The following NEGR1 variants were observed in gnomAD, a reference collection of about 807,000 sequenced individuals.
NEGR1 encodes the protein neuronal growth regulator 1.
Under a neutral mutation model 40.9 loss-of-function variants are expected in NEGR1, and 10 were observed. That is an observed-to-expected ratio of 0.24 (90% CI 0.15 to 0.42). The LOEUF is 0.42. Ranked by LOEUF, NEGR1 falls within the 10% of genes least tolerant of loss-of-function variation. The pLI is 1.00. For missense variants in NEGR1, 352 were observed against 438.9 expected (o/e 0.80, Z 1.77); for synonymous variants, 185 against 166.8 (o/e 1.11, Z -0.84).
At position 71,896,035 on chromosome 1, in the gene NEGR1, C is replaced by CTTT. The variant is rs71074810; in HGVS notation, c.409+39041_409+39043dup. On this transcript the variant is annotated intron_variant, in intron 2 of 6. Transcript: ENST00000357731. ...TTTAAGTCTCGATGATAACGTTTAA[C>CTTT]TTTTTTTTTTTTTTTTTTTTTTGAG... Among the ~76,000 whole-genome samples the CTTT allele has an allele frequency of 6.1e-4, 68 of 111,190 alleles. 1 individual carries two copies. The highest frequency in any genetic ancestry group is 1.5e-3 in the African/African-American group (44 of 28,816). 72.9% of individuals were successfully genotyped at this position (111,190 alleles called of 152,430 possible).
intron 1 of NEGR1, among the ~76,000 whole-genome samples, chr1:71,992,435 GA>G (rs1646462207): frequency 6.6e-6 from 1 of 151,114 alleles, no homozygotes; most frequent in Non-Finnish European, 1.5e-5. Context: ...AGTTGAAATA[GA>G]ATGTAAGCCA....
chr1:71,954,674 T>C (rs552966449), intron 1 of NEGR1, among the ~76,000 whole-genome samples: 38 of 152,226 alleles, frequency 2.5e-4, no homozygotes, highest in African/African-American at 8.4e-4. Flanking sequence ...GTTGGAATAA[T>C]TATCATTATT....
At chr1:71,978,555 C>T (rs1306248809) in intron 1 of NEGR1, among the ~76,000 whole-genome samples, 1 of 151,996 alleles carries the variant, frequency 6.6e-6, no homozygotes, top group African/African-American at 2.4e-5. Context: ...AGGACATAAA[C>T]AGACACTTTT....
intron 1 of NEGR1, among the ~76,000 whole-genome samples, chr1:72,246,270 T>C (rs1335106600): frequency 1.3e-5 from 2 of 152,218 alleles, no homozygotes; most frequent in Non-Finnish European, 2.9e-5. Flanking sequence ...TCGCCATTTA[T>C]ATTGTATTCC....
intron 2 of NEGR1, among the ~76,000 whole-genome samples, chr1:71,789,326 T>A (rs1657028963): frequency 6.6e-6 from 1 of 152,176 alleles, no homozygotes; most frequent in Non-Finnish European, 1.5e-5. Context: ...CTGAGTAATT[T>A]ACAAGATCAT....
chr1:72,135,407 A>C (rs1433173830), intron 1 of NEGR1, among the ~76,000 whole-genome samples: 5 of 113,154 alleles, frequency 4.4e-5, no homozygotes, highest in African/African-American at 9.7e-5. Flanking sequence ...CAAAAAACAA[A>C]AAAAAAAACA....
At chr1:71,878,830 C>A (rs1019210594) in intron 2 of NEGR1, among the ~76,000 whole-genome samples, 3 of 152,084 alleles carry the variant, frequency 2.0e-5, no homozygotes, top group African/African-American at 7.2e-5. Flanking sequence ...CGGTAAATTT[C>A]TTTAATAAGT....
chr1:72,074,204 G>A (rs1421896325), intron 1 of NEGR1, among the ~76,000 whole-genome samples: 6 of 151,862 alleles, frequency 4.0e-5, no homozygotes, highest in Non-Finnish European at 5.9e-5. Context: ...AACTGATAGA[G>A]GAAAAAACAG....
chr1:71,887,805 T>C (rs1660767124), intron 2 of NEGR1, among the ~76,000 whole-genome samples: 1 of 152,290 alleles, frequency 6.6e-6, no homozygotes, highest in African/African-American at 2.4e-5. Context: ...TTTCTCTTTG[T>C]TATTAAAGGA....
chr1:71,490,023 T>C (rs1473531503), intron 6 of NEGR1: 2 of 152,020 alleles, frequency 1.3e-5, no homozygotes, highest in Non-Finnish European at 1.5e-5. Flanking sequence ...TATAACCTAC[T>C]TAAAATTTAA....
intron 1 of NEGR1, among the ~76,000 whole-genome samples, chr1:72,111,125 C>A (rs1331468436): frequency 6.6e-6 from 1 of 151,094 alleles, no homozygotes; most frequent in Admixed American, 6.6e-5. Flanking sequence ...TATATATACA[C>A]ACACACACAC....
At chr1:71,409,054 CAA>C (rs1343796537) in intron 6 of NEGR1, 1 of 151,804 alleles carries the variant, frequency 6.6e-6, no homozygotes, top group Non-Finnish European at 1.5e-5. Context: ...TTTTAATAAA[CAA>C]AGAGCAAAAT....
chr1:71,964,711 A>G (rs2100303071), intron 1 of NEGR1, among the ~76,000 whole-genome samples: 1 of 152,234 alleles, frequency 6.6e-6, no homozygotes, highest in Non-Finnish European at 1.5e-5. Context: ...TGTTTGCAGT[A>G]TTTTGTTATG....
At chr1:71,636,392 A>G (rs1651152699) in intron 4 of NEGR1, among the ~76,000 whole-genome samples, 1 of 152,044 alleles carries the variant, frequency 6.6e-6, no homozygotes, top group African/African-American at 2.4e-5. Context: ...TTTATTTTTT[A>G]TCACAAAATG....
intron 6 of NEGR1, among the ~76,000 whole-genome samples, chr1:71,415,943 A>T (rs896174966): frequency 2.0e-5 from 3 of 152,008 alleles, no homozygotes; most frequent in Non-Finnish European, 4.4e-5. Context: ...TGTGTGTTTT[A>T]AACTCTGGCT....
intron 1 of NEGR1, among the ~76,000 whole-genome samples, chr1:72,265,768 A>G (rs1655617731): frequency 6.6e-6 from 1 of 150,942 alleles, no homozygotes; most frequent in Non-Finnish European, 1.5e-5. Flanking sequence ...TTTTCTTAAT[A>G]GGTTATACAA....
At chr1:71,499,372 T>G in intron 6 of NEGR1, among the ~76,000 whole-genome samples, 1 of 151,064 alleles carries the variant, frequency 6.6e-6, no homozygotes, top group East Asian at 1.9e-4. Context: ...AGATGTACCA[T>G]GTGTTCTGCT....
rs184733018 is a variant in NEGR1, at chr1:71,728,191, C to T, written c.536-30052G>A. Reference sequence around the variant, plus strand: ...TGAAGTGGGTTGCTTATATAGGCAACGATCCAAGAGACCAGGGTGGGTGGA... The same window carrying T: ...TGAAGTGGGTTGCTTATATAGGCAATGATCCAAGAGACCAGGGTGGGTGGA... On this transcript the variant is annotated intron_variant, in intron 3 of 6. Transcript: ENST00000357731. Among the ~76,000 whole-genome samples the T allele has an allele frequency of 1.8e-4, 27 of 152,182 alleles. No individual in the cohort carries two copies. In the East Asian group the frequency reaches 2.9e-3, roughly 16 times the overall value.
chr1:71,887,620 C>T (rs1326605435), intron 2 of NEGR1, among the ~76,000 whole-genome samples: 1 of 152,082 alleles, frequency 6.6e-6, no homozygotes, highest in Non-Finnish European at 1.5e-5. Context: ...TCCATCATCT[C>T]AAACATTCAT....
Sources: allele counts gnomAD v4.1 joint callset (sites outside exome capture counted in the v4.1 genomes callset), GRCh38; gene constraint gnomAD v4.1.1; transcripts MANE v1.5; gene names NCBI Gene and HGNC (gene_info 2026-07-23, HGNC 2026-07-21).